ITPK1: variants seen among roughly 807,000 people sequenced by gnomAD.
ITPK1 encodes the protein inositol 1,3,4-trisphosphate 5/6-kinase.
ITPK1 carries 21 observed loss-of-function variants against 45.3 expected under a neutral mutation model. That is an observed-to-expected ratio of 0.46 (90% CI 0.33 to 0.67). The LOEUF is 0.67. Ranked by LOEUF, ITPK1 falls within the 30% of genes least tolerant of loss-of-function variation. The pLI is 0.02. For missense variants in ITPK1, 474 were observed against 573.5 expected (o/e 0.83, Z 1.77); for synonymous variants, 258 against 253.6 (o/e 1.02, Z -0.16).
At chr14:93,030,962 C>T (rs371938543) in intron 3 of ITPK1, among the ~76,000 whole-genome samples, 27 of 152,276 alleles carry the variant, frequency 1.8e-4, no homozygotes, top group East Asian at 9.7e-4. Context: ...TTCCCGGGAA[C>T]GCCAAAGATG....
In ITPK1 at chr14:92,993,953, G is replaced by T. The variant is rs781091690; in HGVS notation, c.291C>A (p.Leu97=). 10 of 1,613,910 alleles carry T rather than the reference G, an allele frequency of 6.2e-6. No homozygotes were observed. The highest frequency in any genetic ancestry group is 8.5e-6 in the Non-Finnish European group (10 of 1,179,942). ...GGTCAAGCAGGGTTCTGATGGCAGG[G>T]AGCGGGTCCAGGACGATGGTCTCAG... ...AHPETIVLDP[L]PAIRTLLDRS... is the part of the protein sequence containing the mutation. Residue 97 remains leucine (L), a synonymous_variant, in exon 5 of 11, where the codon CTC becomes CTA. Transcript: ENST00000267615.
At chr14:93,035,679 A>G (rs4581641) in intron 3 of ITPK1, among the ~76,000 whole-genome samples, 4,174 of 152,320 alleles carry the variant, frequency 0.027, 97 homozygotes, top group Admixed American at 0.085. Context: ...TCTACCAGGC[A>G]CTGCATGAGG....
At chr14:92,959,196 A>G (rs1207179374) in intron 7 of ITPK1, among the ~76,000 whole-genome samples, 2 of 152,194 alleles carry the variant, frequency 1.3e-5, no homozygotes, top group Non-Finnish European at 2.9e-5. Flanking sequence ...CGGGCTCTGC[A>G]CAGGGTCTGC....
intron 3 of ITPK1, among the ~76,000 whole-genome samples, chr14:93,020,021 G>C (rs979416769): frequency 6.6e-6 from 1 of 152,214 alleles, no homozygotes; most frequent in Non-Finnish European, 1.5e-5. Context: ...GCCCGCCGGG[G>C]CCTGAGGTCT....
chr14:92,992,652 C>T (rs1399020785), intron 5 of ITPK1, among the ~76,000 whole-genome samples: 3 of 152,244 alleles, frequency 2.0e-5, no homozygotes, highest in Non-Finnish European at 4.4e-5. Context: ...CACCTACTCT[C>T]CAGGCCAGGG....
chr14:93,114,618 C>T (rs1020789876), intron 2 of ITPK1, among the ~76,000 whole-genome samples: 2 of 152,212 alleles, frequency 1.3e-5, no homozygotes, highest in African/African-American at 4.8e-5. Flanking sequence ...AAGAGCCGAG[C>T]ACACGCGGGG....
chr14:92,970,228 G>T (rs1457403009), intron 5 of ITPK1, among the ~76,000 whole-genome samples: 1 of 152,214 alleles, frequency 6.6e-6, no homozygotes, highest in Non-Finnish European at 1.5e-5. Context: ...CCAGCCCGAC[G>T]CTGGACCTGG....
intron 4 of ITPK1, among the ~76,000 whole-genome samples, chr14:92,997,214 C>A (rs77845680): frequency 1.3e-5 from 2 of 152,316 alleles, no homozygotes; most frequent in African/African-American, 4.8e-5. Context: ...GTGCTCCTTC[C>A]TCCCCTCGAA....
At chr14:92,956,793 T>A (rs1313242966) in intron 8 of ITPK1, among the ~76,000 whole-genome samples, 1 of 152,142 alleles carries the variant, frequency 6.6e-6, no homozygotes, top group African/African-American at 2.4e-5. Context: ...AACAGCATTT[T>A]AAAAAATGTC....
intron 4 of ITPK1, among the ~76,000 whole-genome samples, chr14:92,995,910 C>T (rs1004808694): frequency 4.6e-5 from 7 of 152,242 alleles, no homozygotes; most frequent in Non-Finnish European, 8.8e-5. Context: ...CTCACCCAAG[C>T]ACCTACACCT....
At position 93,055,512 on chromosome 14, in the gene ITPK1, C is replaced by T. The variant is rs74846260; in HGVS notation, c.120+21083G>A. ...TCTCAACCTAGACACAAGTGCTCCA[C>T]GAAGGCAGAGGGATTTGGGGTTTGT... On this transcript the variant is annotated intron_variant, in intron 3 of 10. Transcript: ENST00000267615. Among the ~76,000 whole-genome samples, 171 of 152,238 alleles carry T rather than the reference C, an allele frequency of 1.1e-3. 1 individual carries two copies. The highest frequency in any genetic ancestry group is 1.6e-3 in the Non-Finnish European group (111 of 68,032).
intron 9 of ITPK1, among the ~76,000 whole-genome samples, chr14:92,947,993 G>A (rs997973833): frequency 3.3e-5 from 5 of 152,182 alleles, no homozygotes; most frequent in South Asian, 2.1e-4. Flanking sequence ...TCCATACGAC[G>A]GAATATTGTA....
intron 3 of ITPK1, among the ~76,000 whole-genome samples, chr14:93,051,282 G>A (rs1228368830): frequency 6.6e-6 from 1 of 152,172 alleles, no homozygotes; most frequent in East Asian, 1.9e-4. Flanking sequence ...TGTCTTTCCT[G>A]AAATGAAATC....
At chr14:93,046,829 C>T (rs897730916) in intron 3 of ITPK1, among the ~76,000 whole-genome samples, 3 of 152,344 alleles carry the variant, frequency 2.0e-5, no homozygotes, top group Non-Finnish European at 2.9e-5. Context: ...CTGCGAACCC[C>T]CATCAGAAGC....
intron 2 of ITPK1, among the ~76,000 whole-genome samples, chr14:93,094,213 G>C (rs544990962): frequency 6.6e-6 from 1 of 152,228 alleles, no homozygotes; most frequent in Non-Finnish European, 1.5e-5. Flanking sequence ...GCAGTTCCTT[G>C]GAGCAGGGGA....
chr14:92,973,710 C>A (rs1410793159), intron 5 of ITPK1, among the ~76,000 whole-genome samples: 2 of 152,212 alleles, frequency 1.3e-5, no homozygotes, highest in African/African-American at 2.4e-5. Flanking sequence ...CCCAGTAACA[C>A]CCACAGTCAA....
At chr14:93,061,818 G>A (rs1444150450) in intron 3 of ITPK1, among the ~76,000 whole-genome samples, 1 of 152,194 alleles carries the variant, frequency 6.6e-6, no homozygotes, top group East Asian at 1.9e-4. Context: ...CAGAACCATG[G>A]TCAGCATCAA....
intron 4 of ITPK1, among the ~76,000 whole-genome samples, chr14:93,011,419 T>C (rs1887899854): frequency 6.6e-6 from 1 of 152,052 alleles, no homozygotes; most frequent in South Asian, 2.1e-4. Flanking sequence ...AGGAGGATGG[T>C]GGGGTCGGGG....
intron 2 of ITPK1, among the ~76,000 whole-genome samples, chr14:93,095,006 G>A (rs149465208): frequency 1.5e-3 from 221 of 152,368 alleles, no homozygotes; most frequent in African/African-American, 5.0e-3. Context: ...GTCACCACCT[G>A]TGGAAAGCTT....
Sources: gnomAD v4.1 joint callset for allele counts (sites outside exome capture counted in the v4.1 genomes callset) on GRCh38, gnomAD v4.1.1 for gene constraint, MANE v1.5 for transcripts, NCBI Gene and HGNC (gene_info 2026-07-23, HGNC 2026-07-21) for gene names.